CDKL4: variants seen among roughly 807,000 people sequenced by gnomAD.
CDKL4 encodes cyclin-dependent kinase-like 4.
A neutral mutation model predicts 42.0 loss-of-function variants in CDKL4; 44 were observed. That is an observed-to-expected ratio of 1.05 (90% CI 0.82 to 1.35). CDKL4 has a LOEUF of 1.35. CDKL4 is among the 40% of genes most tolerant of loss of function. CDKL4 has a pLI of 0.00. For synonymous variants in CDKL4, 120 were observed against 121.6 expected (o/e 0.99, Z 0.09); for missense variants, 393 against 369.9 (o/e 1.06, Z -0.51).
chr2:39,240,605 G>A (rs1026146747), intron 1 of CDKL4, among the ~76,000 whole-genome samples: 1 of 149,316 alleles, frequency 6.7e-6, no homozygotes, highest in African/African-American at 2.5e-5. Flanking sequence ...TAAACAAAAT[G>A]TGGATTATCC....
chr2:39,191,218 G>T (rs539337230), intron 5 of CDKL4, among the ~76,000 whole-genome samples: 2 of 152,182 alleles, frequency 1.3e-5, no homozygotes, highest in Non-Finnish European at 1.5e-5. Context: ...GGGCAACATG[G>T]CAAAACCCTG....
intron 9 of CDKL4, chr2:39,178,704 A>C (rs1411918775): frequency 6.2e-7 from 1 of 1,609,410 alleles, no homozygotes; most frequent in African/African-American, 1.3e-5. Context: ...ATTCCTTTGT[A>C]CCTGGCAGAT....
At chr2:39,239,470 A>G (rs1191615172) in intron 1 of CDKL4, among the ~76,000 whole-genome samples, 1 of 152,248 alleles carries the variant, frequency 6.6e-6, no homozygotes, top group Admixed American at 6.5e-5. Context: ...CTGATAAAAT[A>G]TTTGTATCCA....
chr2:39,218,088 CTA>C (rs1282607744), intron 3 of CDKL4, among the ~76,000 whole-genome samples: 1 of 152,116 alleles, frequency 6.6e-6, no homozygotes, highest in African/African-American at 2.4e-5. Context: ...ACTTCTATTT[CTA>C]TGTTTACTTC....
At chr2:39,215,593 A>T (rs931071876) in intron 3 of CDKL4, among the ~76,000 whole-genome samples, 1 of 152,214 alleles carries the variant, frequency 6.6e-6, no homozygotes, top group South Asian at 2.1e-4. Context: ...ATTTTATCAT[A>T]TTTGGATATT....
chr2:39,244,911 G>A (rs1679845219), upstream of CDKL4, among the ~76,000 whole-genome samples: 3 of 152,140 alleles, frequency 2.0e-5, no homozygotes, highest in African/African-American at 7.2e-5. Flanking sequence ...GCTCTGGTGG[G>A]GCCTTGGAGA....
At chr2:39,178,454 T>G in intron 9 of CDKL4, 2 of 945,400 alleles carry the variant, frequency 2.1e-6, no homozygotes, top group Admixed American at 5.4e-5. Context: ...TTAATAATAT[T>G]AGGGACCTTC....
At chr2:39,175,972 T>C (rs1005269016) in exon 10 of CDKL4, 1 of 466,634 alleles carries the variant, frequency 2.1e-6, no homozygotes, top group Non-Finnish European at 4.4e-6. Context: ...ATTAAATTAC[T>C]TTGCACTTGA....
chr2:39,193,151 G>T (rs940450057), intron 5 of CDKL4, among the ~76,000 whole-genome samples: 38 of 143,014 alleles, frequency 2.7e-4, no homozygotes, highest in African/African-American at 9.1e-4. Flanking sequence ...AAAAAAAAAG[G>T]AGCCAGGTTT....
chr2:39,218,247 TC>T (rs1678060384), intron 3 of CDKL4, among the ~76,000 whole-genome samples: 1 of 151,672 alleles, frequency 6.6e-6, no homozygotes, highest in Non-Finnish European at 1.5e-5. Context: ...ATGCCTGTAA[TC>T]CCAGCACTTT....
chr2:39,202,917 C>T (rs1030295637), intron 5 of CDKL4, among the ~76,000 whole-genome samples: 3 of 152,180 alleles, frequency 2.0e-5, no homozygotes, highest in Admixed American at 6.5e-5. Flanking sequence ...TGCCTGAGCT[C>T]ATGTCTTGTG....
chr2:39,182,228 T>C (rs1176840735), intron 8 of CDKL4, among the ~76,000 whole-genome samples: 1 of 152,160 alleles, frequency 6.6e-6, no homozygotes, highest in Non-Finnish European at 1.5e-5. Context: ...TGGGCTCGAG[T>C]GATCCTCCTG....
At chr2:39,220,928 A>T (rs1045780078) in intron 3 of CDKL4, among the ~76,000 whole-genome samples, 2 of 110,120 alleles carry the variant, frequency 1.8e-5, no homozygotes, top group African/African-American at 3.4e-5. Context: ...GGGTCCCTTC[A>T]TTATCTCACC....
intron 5 of CDKL4, among the ~76,000 whole-genome samples, chr2:39,197,422 G>T (rs746763420): frequency 3.4e-4 from 52 of 152,234 alleles, no homozygotes; most frequent in Non-Finnish European, 5.4e-4. Flanking sequence ...GAATAATTGA[G>T]GAAAACTTCC....
chr2:39,229,594 A>C lies in CDKL4; in HGVS notation c.-56-6T>G, dbSNP rs1678971719. 3 of 1,344,900 alleles carry C rather than the reference A, an allele frequency of 2.2e-6. No homozygotes were observed. The highest frequency in any genetic ancestry group is 2.8e-5 in the South Asian group (2 of 71,986). 83.3% of individuals were successfully genotyped at this position (1,344,900 alleles called of 1,614,324 possible). On this transcript the variant is annotated splice_polypyrimidine_tract_variant and splice_region_variant and intron_variant, in intron 1 of 9. Transcript: ENST00000451199. ...CTTGCAGTACAATGCTGCACCTGGA[A>C]AATAAGGTAGACTTGCCTTAATCAA... is the stretch of plus-strand genomic sequence containing the variant.
intron 1 of CDKL4, among the ~76,000 whole-genome samples, chr2:39,240,259 A>C (rs997886956): frequency 2.0e-5 from 3 of 151,352 alleles, no homozygotes; most frequent in Non-Finnish European, 2.9e-5. Flanking sequence ...AAAATAAAAT[A>C]AAATAAAATA....
intron 9 of CDKL4, chr2:39,178,408 G>C: frequency 1.5e-6 from 1 of 681,530 alleles, no homozygotes; most frequent in South Asian, 2.4e-5. Flanking sequence ...TACCAACTCA[G>C]TTTATTATTA....
At chr2:39,197,846 T>C (rs1267077523) in intron 5 of CDKL4, among the ~76,000 whole-genome samples, 1 of 150,064 alleles carries the variant, frequency 6.7e-6, no homozygotes, top group East Asian at 1.9e-4. Flanking sequence ...GAGCTCTAAA[T>C]CTTGAAACAA....
rs1472454298 is a variant in CDKL4 at position 39,229,345 on chromosome 2, T to C, written c.168+20A>G. On this transcript the variant is annotated intron_variant, in intron 2 of 9. Coordinates refer to ENST00000451199, the Ensembl canonical transcript of CDKL4. ...TCACTCAATTCCATGATATTTTACA[T>C]ATATATAAAGTTAACTTACCTTCAA... 1 of 1,483,234 alleles carries C rather than the reference T, an allele frequency of 6.7e-7. No individual in the cohort carries two copies. The highest frequency in any genetic ancestry group is 1.3e-5 in the South Asian group (1 of 79,670). 91.9% of individuals were successfully genotyped at this position (1,483,234 alleles called of 1,614,324 possible). A position where few individuals can be genotyped will look rare whatever the true frequency, so the allele number is the denominator to read the frequency against.
Sources: gnomAD v4.1 joint callset for allele counts (sites outside exome capture counted in the v4.1 genomes callset) on GRCh38, gnomAD v4.1.1 for gene constraint, MANE v1.5 for transcripts, NCBI Gene and HGNC (gene_info 2026-07-23, HGNC 2026-07-21) for gene names.